FNIP1: variants seen among roughly 807,000 people sequenced by gnomAD.
FNIP1 encodes the protein folliculin-interacting protein 1.
In FNIP1, 40 loss-of-function variants were observed where a neutral mutation model predicts 124.5. The observed-to-expected ratio is 0.32, with a 90% CI of 0.25 to 0.42. The LOEUF (loss-of-function observed/expected upper bound fraction) is 0.42, where lower values mean the gene tolerates loss of function less well. FNIP1 is among the 10% of genes least tolerant of loss of function. FNIP1 has a pLI of 1.00. For synonymous variants in FNIP1, 472 were observed against 470.6 expected, an observed-to-expected ratio of 1.00 and a Z score of -0.04; for missense variants, 1,176 against 1,403.7, an observed-to-expected ratio of 0.84 and a Z score of 2.59.
intron 2 of FNIP1, among the ~76,000 whole-genome samples, chr5:131,736,831 G>A (rs912731732): frequency 5.3e-5 from 8 of 152,130 alleles, no homozygotes; most frequent in Admixed American, 3.9e-4. Context: ...TTGTGGTTAC[G>A]TAGAAGAATG....
rs34177023 is a variant in FNIP1, at chr5:131,642,867, CAA to C, written c.*1816_*1817del. ...CTGGGTAACAAGAGTGAAACTCCGTCAAAAAAAAAAAAAAAAAAAAAAAGGTA... is the reference window on the plus strand; with the variant it reads ...CTGGGTAACAAGAGTGAAACTCCGTCAAAAAAAAAAAAAAAAAAAAAGGTA... On this transcript the variant is annotated 3_prime_UTR_variant, in exon 18 of 18. Transcript: ENST00000510461. The C allele has an allele frequency of 0.018, 1,224 of 69,136 alleles. 9 individuals carry two copies. The highest frequency in any genetic ancestry group is 0.04 in the African/African-American group (725 of 18,090). 4.3% of individuals were successfully genotyped at this position (69,136 alleles called of 1,614,324 possible). A position where few individuals can be genotyped will look rare whatever the true frequency, so the allele number is the denominator to read the frequency against.
In FNIP1 at chr5:131,716,979, T is replaced by A. The variant is rs532989331; in HGVS notation, c.531-323A>T. Among the ~76,000 whole-genome samples the A allele has an allele frequency of 3.4e-3, 511 of 151,326 alleles. 1 individual carries two copies. Among genetic ancestry groups the A allele is most frequent in the African/African-American group, 7.9e-3 (325 of 41,316 alleles). On this transcript the variant is annotated intron_variant, in intron 5 of 17. Transcript: ENST00000510461. ...TGTCTGGCTCACAAAGCCAAAAAAA[T>A]ATATATATATTTTTTTTTATTATTA...
chr5:131,782,555 A>G (rs1436176980), intron 1 of FNIP1, among the ~76,000 whole-genome samples: 2 of 151,140 alleles, frequency 1.3e-5, no homozygotes, highest in East Asian at 3.9e-4. Context: ...ACAGGGCTAG[A>G]CTCTGTCTCA....
At chr5:131,666,778 C>G (rs905541221) in intron 15 of FNIP1, among the ~76,000 whole-genome samples, 11 of 151,706 alleles carry the variant, frequency 7.3e-5, no homozygotes, top group African/African-American at 2.2e-4. Context: ...AGGAAGAAAC[C>G]CTTAAAATCA....
At chr5:131,703,345 A>G (rs1580769161) in intron 10 of FNIP1, among the ~76,000 whole-genome samples, 1 of 152,216 alleles carries the variant, frequency 6.6e-6, no homozygotes, top group East Asian at 1.9e-4. Context: ...TCTATTATCC[A>G]CCAGCAGTAA....
intron 15 of FNIP1, among the ~76,000 whole-genome samples, chr5:131,652,215 C>T (rs1247713479): frequency 6.6e-6 from 1 of 152,216 alleles, no homozygotes; most frequent in Non-Finnish European, 1.5e-5. Flanking sequence ...GTATTCATTA[C>T]AAGGACTTTG....
chr5:131,728,097 G>T (rs1769949803), intron 3 of FNIP1, among the ~76,000 whole-genome samples: 1 of 151,904 alleles, frequency 6.6e-6, no homozygotes, highest in Admixed American at 6.6e-5. Context: ...TTTCTCTCCG[G>T]CTGCCCTTAA....
At chr5:131,695,809 G>A (rs576578058) in intron 11 of FNIP1, among the ~76,000 whole-genome samples, 175 of 152,228 alleles carry the variant, frequency 1.1e-3, no homozygotes, top group African/African-American at 4.1e-3. Context: ...CTGGCTGGCT[G>A]GAATTCCATC....
intron 1 of FNIP1, among the ~76,000 whole-genome samples, chr5:131,794,549 CA>C (rs1429723672): frequency 6.6e-6 from 1 of 152,028 alleles, no homozygotes; most frequent in Non-Finnish European, 1.5e-5. Context: ...CATAATAGCC[CA>C]AATCTGGGGA....
chr5:131,696,616 TATTAA>T (rs1009356329), intron 11 of FNIP1, among the ~76,000 whole-genome samples: 81 of 152,262 alleles, frequency 5.3e-4, no homozygotes, highest in African/African-American at 1.9e-3. Flanking sequence ...ACAATAAAAA[TATTAA>T]ATTAAAATTA....
At chr5:131,705,912 T>A (rs1479359602) in intron 9 of FNIP1, among the ~76,000 whole-genome samples, 1 of 152,114 alleles carries the variant, frequency 6.6e-6, no homozygotes, top group East Asian at 1.9e-4. Flanking sequence ...TGTTATTCAG[T>A]CATAAAAAGG....
intron 6 of FNIP1, among the ~76,000 whole-genome samples, chr5:131,715,671 AACAC>A (rs901523535): frequency 6.6e-6 from 1 of 152,118 alleles, no homozygotes. Context: ...ATTTTTCTAT[AACAC>A]ACACACATTA....
intron 1 of FNIP1, among the ~76,000 whole-genome samples, chr5:131,746,332 T>C (rs1770680344): frequency 6.6e-6 from 1 of 152,142 alleles, no homozygotes; most frequent in Non-Finnish European, 1.5e-5. Flanking sequence ...TGCATATATC[T>C]CATGATGCTG....
chr5:131,693,461 C>T (rs1768585297), intron 11 of FNIP1, among the ~76,000 whole-genome samples: 1 of 149,652 alleles, frequency 6.7e-6, no homozygotes. Flanking sequence ...GACAACGGAG[C>T]AAAGGTAATT....
At position 131,710,582 on chromosome 5, in the gene FNIP1, A is replaced by G; in HGVS notation, c.702T>C (p.Phe234=). The part of the protein sequence containing the change: ...PLRLIRSASF[F]AVHSNPMDMP... ...CCCACACAGCACATCGCAAACCTGC[A>G]AAGAAAGAGGCGCTCCTGATCAGGC... Residue 234 remains phenylalanine, a synonymous_variant, in exon 7 of 18, where the codon TTT becomes TTC. Transcript: ENST00000510461. The G allele has an allele frequency of 6.2e-7, 1 of 1,613,776 alleles. No individual in the cohort carries two copies. Among genetic ancestry groups the G allele is most frequent in the Non-Finnish European group, 8.5e-7 (1 of 1,179,918 alleles).
At chr5:131,740,224 A>C (rs563102037) in intron 2 of FNIP1, among the ~76,000 whole-genome samples, 13 of 152,220 alleles carry the variant, frequency 8.5e-5, no homozygotes, top group Non-Finnish European at 1.6e-4. Context: ...TTTTAAATGA[A>C]TGTCTCACTT....
intron 11 of FNIP1, among the ~76,000 whole-genome samples, chr5:131,697,968 CA>C (rs753487190): frequency 0.22 from 12,690 of 58,660 alleles, 1,275 homozygotes; most frequent in African/African-American, 0.41. Context: ...GACTCCACCT[CA>C]AAAAAAAAAA....
At chr5:131,685,172 C>A (rs1036002755) in intron 11 of FNIP1, among the ~76,000 whole-genome samples, 9 of 152,024 alleles carry the variant, frequency 5.9e-5, no homozygotes, top group African/African-American at 2.2e-4. Flanking sequence ...GCAAGAGGAT[C>A]CCTTGAGGAC....
At position 131,797,001 on chromosome 5, in the gene FNIP1, G is replaced by C; in HGVS notation, c.-80C>G. The stretch of plus-strand genomic sequence containing the variant: ...CCTACAGCCGCCCCGCCACCCCCAT[G>C]GGCGCCTCAGTCATATGACAGAAAT... On this transcript the variant is annotated 5_prime_UTR_variant, in exon 1 of 18. Coordinates refer to ENST00000510461, the MANE Select transcript of FNIP1 (RefSeq NM_133372.3). 7.7e-7 allele frequency: 1 copy of C among 1,296,414 alleles called. No individual in the cohort carries two copies. Among genetic ancestry groups the C allele is most frequent in the African/African-American group, 1.5e-5 (1 of 65,816 alleles). 80.3% of individuals were successfully genotyped at this position (1,296,414 alleles called of 1,614,324 possible).
Sources: allele counts gnomAD v4.1 joint callset (sites outside exome capture counted in the v4.1 genomes callset), GRCh38; gene constraint gnomAD v4.1.1; transcripts MANE v1.5; gene names NCBI Gene and HGNC (gene_info 2026-07-23, HGNC 2026-07-21).